FIGNL2: variants seen among roughly 807,000 people sequenced by gnomAD.
FIGNL2 encodes the protein fidgetin like 2, also known as fidgetin-like protein 2.
For synonymous variants in FIGNL2, 565 were observed against 484.0 expected, an observed-to-expected ratio of 1.17 and a Z score of -2.20; for missense variants, 1,060 against 950.2, an observed-to-expected ratio of 1.12 and a Z score of -1.52.
At chr12:51,843,913 A>ATT (rs878906013) in intron 1 of FIGNL2, among the ~76,000 whole-genome samples, 1 of 146,294 alleles carries the variant, frequency 6.8e-6, no homozygotes. Context: ...CGCCTCTACA[A>ATT]TTTTTTTTTT....
intron 1 of FIGNL2, chr12:51,835,193 CT>C (rs1182034440): frequency 2.0e-5 from 3 of 151,536 alleles, no homozygotes; most frequent in African/African-American, 7.3e-5. Context: ...TCCAGGAAGC[CT>C]TCTTGGACTG....
Position 51,821,695 on chromosome 12 carries a change from G to C in FIGNL2, c.719C>G (p.Pro240Arg), listed in dbSNP as rs907882930. 7.4e-7 allele frequency: 1 copy of C among 1,356,524 alleles called. No homozygotes were observed. Among genetic ancestry groups the C allele is most frequent in the Non-Finnish European group, 9.4e-7 (1 of 1,063,028 alleles). 84.0% of individuals were successfully genotyped at this position (1,356,524 alleles called of 1,614,324 possible). A position where few individuals can be genotyped will look rare whatever the true frequency, so the allele number is the denominator to read the frequency against. The change falls in exon 2 of 2, where the codon CCC (proline) becomes CGC (arginine). Residue 240 changes from proline (P) to arginine (R), a missense_variant. By Grantham distance (103) the Pro-to-Arg change is moderately radical (BLOSUM62 -2). Coordinates refer to ENST00000618634, the MANE Select transcript of FIGNL2 (RefSeq NM_001384995.1). ...YLTPGLPAPT[P>R]LPAPAPPTAY... ...GGTGGGCGGTGCCGGCGCGGGCAGG[G>C]GCGTGGGCGCGGGCAGGCCCGGGGT...
rs1939177406 is a variant in FIGNL2 at position 51,821,220 on chromosome 12, G to A, written c.1194C>T (p.Gly398=). The change falls in exon 2 of 2, where the codon GGC becomes GGT. Residue 398 remains glycine, a synonymous_variant. Transcript: ENST00000618634. ...CCTCCTCCAGCGCCGCCTTGAGCGC[G>A]CCCTGGCCCGCCACATCCGCCCACT... is the stretch of plus-strand genomic sequence containing the variant. ...PVQWADVAGQ[G]ALKAALEEEL... 3.3e-6 allele frequency: 5 copies of A among 1,521,488 alleles called. No homozygotes were observed. The East Asian group carries it at 1.0e-4, about 31-fold the overall frequency. The allele number at this position is 1,521,488 out of a possible 1,614,324, so 94.2% of individuals were successfully genotyped here.
At chr12:51,848,194 C>A (rs1939793335) in intron 1 of FIGNL2, 3 of 985,166 alleles carry the variant, frequency 3.0e-6, no homozygotes, top group African/African-American at 1.7e-5. Context: ...AACCCGCAAA[C>A]CTTGGCTCCC....
At chr12:51,839,563 C>G (rs997755096) in intron 1 of FIGNL2, among the ~76,000 whole-genome samples, 1 of 152,188 alleles carries the variant, frequency 6.6e-6, no homozygotes, top group South Asian at 2.1e-4. Flanking sequence ...AGCACAGAGA[C>G]GATGTTAACC....
In FIGNL2 at chr12:51,821,069, G is replaced by A; in HGVS notation, c.1345C>T (p.Leu449=). 7.8e-7 allele frequency: 1 copy of A among 1,281,416 alleles called. No individual in the cohort carries two copies. The highest frequency in any genetic ancestry group is 9.8e-7 in the Non-Finnish European group (1 of 1,018,242). 79.4% of individuals were successfully genotyped at this position (1,281,416 alleles called of 1,614,324 possible). The stretch of plus-strand genomic sequence containing the variant: ...CGCAGGCGCAACAGCGTGGCGCCCA[G>A]CTGCGTGGCGAGGCAGCGGCCCAGC... ...ALLGRCLATQ[L]GATLLRLRGA... The change falls in exon 2 of 2, where the codon CTG becomes TTG. Residue 449 remains leucine (L), a synonymous_variant. Transcript: ENST00000618634.
intron 1 of FIGNL2, among the ~76,000 whole-genome samples, chr12:51,843,201 T>C (rs1226823933): frequency 6.6e-6 from 1 of 152,118 alleles, no homozygotes. Context: ...ACCCAGAGCC[T>C]TGCACAGTAC....
At chr12:51,825,449 C>G (rs1286799464) in intron 1 of FIGNL2, among the ~76,000 whole-genome samples, 1 of 152,148 alleles carries the variant, frequency 6.6e-6, no homozygotes, top group Non-Finnish European at 1.5e-5. Flanking sequence ...AACGAAGATC[C>G]TCTGGCCCTG....
At chr12:51,832,058 C>G (rs1939483263) in intron 1 of FIGNL2, 1 of 152,120 alleles carries the variant, frequency 6.6e-6, no homozygotes, top group Non-Finnish European at 1.5e-5. Flanking sequence ...TGCTCTGATG[C>G]CCAGGCGGAA....
In FIGNL2 at chr12:51,821,245, T is replaced by C; in HGVS notation, c.1169A>G (p.Gln390Arg). 6.6e-7 allele frequency: 1 copy of C among 1,525,676 alleles called. No homozygotes were observed. 94.5% of individuals were successfully genotyped at this position (1,525,676 alleles called of 1,614,324 possible). ...GCCCTGGCCCGCCACATCCGCCCAC[T>C]GCACCGGGGGCCCGCAGTCCACCAT... ...SKMVDCGPPV[Q>R]WADVAGQGAL... Residue 390 changes from glutamine (Q) to arginine (R), a missense_variant, in exon 2 of 2, where the codon CAG becomes CGG. Physicochemically the swap from Gln to Arg is conservative, Grantham distance 43. Transcript: ENST00000618634.
At position 51,822,194 on chromosome 12, in the gene FIGNL2, G is replaced by A; in HGVS notation, c.220C>T (p.Pro74Ser). Residue 74 changes from proline to serine, a missense_variant, in exon 2 of 2, where the codon CCC (proline) becomes TCC (serine). By Grantham distance (74) the Pro-to-Ser change is moderately conservative. Coordinates refer to ENST00000618634, the MANE Select transcript of FIGNL2 (RefSeq NM_001384995.1). The stretch of plus-strand genomic sequence containing the variant: ...CCGCCCAGGGCCGGACGCTCGTAGG[G>A]AGAATCCAAGACCCCAGAGTACTTC... ...AEKYSGVLDSPYERPALGGYS... is the reference protein window; with the variant it reads ...AEKYSGVLDSSYERPALGGYS... The A allele has an allele frequency of 1.9e-6, 3 of 1,611,816 alleles. No homozygotes were observed. Among genetic ancestry groups the A allele is most frequent in the Non-Finnish European group, 2.5e-6 (3 of 1,179,070 alleles).
intron 1 of FIGNL2, among the ~76,000 whole-genome samples, chr12:51,831,254 G>A (rs180979866): frequency 6.3e-4 from 96 of 152,328 alleles, no homozygotes; most frequent in African/African-American, 2.1e-3. Context: ...CAGAGACAGC[G>A]GAGGTACTTT....
At chr12:51,845,129 C>T (rs955336427) in intron 1 of FIGNL2, among the ~76,000 whole-genome samples, 1 of 152,172 alleles carries the variant, frequency 6.6e-6, no homozygotes, top group African/African-American at 2.4e-5. Flanking sequence ...TCCAAGGGCT[C>T]TGTAAATCAA....
At chr12:51,845,461 C>T (rs1311249402) in intron 1 of FIGNL2, 1 of 160,928 alleles carries the variant, frequency 6.2e-6, no homozygotes, top group East Asian at 3.4e-4. Context: ...TGGCTCACCG[C>T]CCCCCCCCCA....
Position 51,843,382 on chromosome 12 carries a change from CAAAAAA to C in FIGNL2, c.-12+5152_-12+5157del, listed in dbSNP as rs61653181. Among the ~76,000 whole-genome samples the C allele has an allele frequency of 2.1e-5, 3 of 145,180 alleles. No homozygotes were observed. The Admixed American group carries it at 2.1e-4, about 10-fold the overall frequency. The stretch of plus-strand genomic sequence containing the variant: ...CAAAACCCCGTCTCTACTAAAAATA[CAAAAAA>C]AAAAAAAAAATTAGCTGGGCGTGGT... On this transcript the variant is annotated intron_variant, in intron 1 of 1. Transcript: ENST00000618634.
intron 1 of FIGNL2, chr12:51,837,881 C>T (rs1424944026): frequency 6.6e-6 from 1 of 152,266 alleles, no homozygotes; most frequent in Admixed American, 6.5e-5. Context: ...GTTTGCTCCC[C>T]TTGGTTAGGC....
Position 51,839,245 on chromosome 12 carries a change from G to A in FIGNL2, c.-12+9295C>T, listed in dbSNP as rs1376827497. ...TAGGTGAGAATCTTAGGACCCTCTG[G>A]GAGGGTCCACAGAGACCTCAGACTC... On this transcript the variant is annotated intron_variant, in intron 1 of 1. Coordinates refer to ENST00000618634, the MANE Select transcript of FIGNL2 (RefSeq NM_001384995.1). Among the ~76,000 whole-genome samples, 8 of 152,080 alleles carry A rather than the reference G, an allele frequency of 5.3e-5. No homozygotes were observed. The East Asian group carries it at 1.3e-3, about 26-fold the overall frequency.
chr12:51,820,603 T>TGCTGGCACA lies in FIGNL2; in HGVS notation c.1802_1810dup (p.Leu601_Gln603dup). 6.6e-7 allele frequency: 1 copy of TGCTGGCACA among 1,525,614 alleles called. No homozygotes were observed. Among genetic ancestry groups the TGCTGGCACA allele is most frequent in the Non-Finnish European group, 8.7e-7 (1 of 1,143,004 alleles). 94.5% of individuals were successfully genotyped at this position (1,525,614 alleles called of 1,614,324 possible). ...CGGGAGGCCCGCCCCGGCCGCCGCC[T>TGCTGGCACA]GCTGGCACAGCTGCCCCAGCTCGCC... On this transcript the variant is annotated inframe_insertion, in exon 2 of 2. Coordinates refer to ENST00000618634, the MANE Select transcript of FIGNL2 (RefSeq NM_001384995.1).
Position 51,821,923 on chromosome 12 carries a change from C to G in FIGNL2, c.491G>C (p.Gly164Ala). ...AAPEYAAGYG[G>A]GYLAPGYCAQ... The stretch of plus-strand genomic sequence containing the variant: ...GCAGTAACCCGGCGCCAGGTACCCC[C>G]CGCCGTAGCCGGCCGCGTACTCGGG... The change falls in exon 2 of 2, where the codon GGG becomes GCG. Residue 164 changes from glycine (G) to alanine (A), a missense_variant. Coordinates refer to ENST00000618634, the MANE Select transcript of FIGNL2 (RefSeq NM_001384995.1). 1.3e-6 allele frequency: 2 copies of G among 1,502,298 alleles called. No individual in the cohort carries two copies. Among genetic ancestry groups the G allele is most frequent in the Admixed American group, 2.4e-5 (1 of 41,408 alleles). 93.1% of individuals were successfully genotyped at this position (1,502,298 alleles called of 1,614,324 possible).
Sources: gnomAD v4.1 joint callset for allele counts (sites outside exome capture counted in the v4.1 genomes callset) on GRCh38, gnomAD v4.1.1 for gene constraint, MANE v1.5 for transcripts, NCBI Gene and HGNC (gene_info 2026-07-23, HGNC 2026-07-21) for gene names.